The following ULK1 variants were observed in gnomAD, a reference collection of about 807,000 sequenced individuals.
ULK1 encodes the protein unc-51 like autophagy activating kinase 1.
ULK1 carries 48 observed loss-of-function variants against 117.5 expected under a neutral mutation model. That is an observed-to-expected ratio of 0.41 (90% confidence interval 0.32 to 0.52). The LOEUF is 0.52. Among genes scored for constraint, ULK1 ranks in the 20% least tolerant of loss-of-function variants. ULK1 has a pLI of 0.29. For synonymous variants in ULK1, 790 were observed against 637.8 expected, an observed-to-expected ratio of 1.24 and a Z score of -3.60; for missense variants, 1,387 against 1,473.4, an observed-to-expected ratio of 0.94 and a Z score of 0.96.
At position 131,908,732 on chromosome 12, in the gene ULK1, C is replaced by T; in HGVS notation, c.405C>T (p.Ile135=). 1.9e-6 allele frequency: 3 copies of T among 1,608,708 alleles called. No homozygotes were observed. The highest frequency in any genetic ancestry group is 1.7e-5 in the Admixed American group (1 of 59,530). Reference sequence around the variant, plus strand: ...GGCTTCTGCACAGCAAAGGCATCATCCACCGCGACCTGAAACCGCAGAACA... The same window carrying T: ...GGCTTCTGCACAGCAAAGGCATCATTCACCGCGACCTGAAACCGCAGAACA... ...AMRLLHSKGI[I]HRDLKPQNIL... is the part of the protein sequence containing the mutation. Residue 135 remains isoleucine (I), a synonymous_variant, in exon 6 of 28, where the codon ATC becomes ATT. Transcript: ENST00000321867.
Position 131,909,938 on chromosome 12 carries a change from G to T in ULK1, c.745G>T (p.Ala249Ser). The stretch of plus-strand genomic sequence containing the variant: ...CCCCAGCATCCCCCGGGAGACCTCG[G>T]CCCCGCTGCGGCAGCTGCTCCTGGC... Reference protein sequence around the residue: ...LVPTIPRETSAPLRQLLLALL... With the variant: ...LVPTIPRETSSPLRQLLLALL... The change falls in exon 10 of 28, where the codon GCC (alanine) becomes TCC (serine). Residue 249 changes from alanine to serine, a missense_variant. Around this residue, in one of 4 missense-constraint regions of ULK1, gnomAD observed 260 missense variants for 271.6 expected, o/e 0.96. Coordinates refer to ENST00000321867, the MANE Select transcript of ULK1 (RefSeq NM_003565.4). 6.2e-7 allele frequency: 1 copy of T among 1,612,004 alleles called. No individual in the cohort carries two copies. The highest frequency in any genetic ancestry group is 8.5e-7 in the Non-Finnish European group (1 of 1,179,804).
At position 131,914,359 on chromosome 12, in the gene ULK1, G is replaced by T; in HGVS notation, c.1255G>T (p.Gly419Cys). ...GACCTCTCTCCACCACAGCCGGGCT[G>T]GCCCGTTCTCCAGCAGCAGGTGCGG... ...SSSPSPSGRA[G>C]PFSSSRCGAS... The change falls in exon 16 of 28, where the codon GGC becomes TGC. Residue 419 changes from glycine to cysteine, a missense_variant. By Grantham distance (159) the Gly-to-Cys change is radical. Coordinates refer to ENST00000321867, the MANE Select transcript of ULK1 (RefSeq NM_003565.4). 6.2e-7 allele frequency: 1 copy of T among 1,610,746 alleles called. No individual in the cohort carries two copies. The highest frequency in any genetic ancestry group is 8.5e-7 in the Non-Finnish European group (1 of 1,179,932).
At chr12:131,906,788 T>C (rs1214460153) in intron 3 of ULK1, 104 bp from the exon 4 acceptor site, 2 of 1,448,674 alleles carry the variant, frequency 1.4e-6, no homozygotes, top group South Asian at 1.1e-5. Context: ...AGCTAAGTCC[T>C]GGCACTGCAG....
At chr12:131,919,810 G>A in intron 25 of ULK1, 169 bp from the exon 26 acceptor site, 1 of 1,129,238 alleles carries the variant, frequency 8.9e-7, no homozygotes, top group African/African-American at 1.6e-5. Flanking sequence ...GGGTCGGATG[G>A]CACCCGGGAC....
intron 22 of ULK1, chr12:131,918,261 G>A (rs962085259): frequency 8.3e-5 from 48 of 580,610 alleles, no homozygotes; most frequent in South Asian, 3.6e-4. Context: ...GGTGGGCACC[G>A]CAGCCCTTGG....
chr12:131,913,235 G>T lies in ULK1; in HGVS notation c.1134G>T (p.Pro378=), dbSNP rs561387032. 2.5e-6 allele frequency: 4 copies of T among 1,592,426 alleles called. No homozygotes were observed. The highest frequency in any genetic ancestry group is 3.4e-6 in the Non-Finnish European group (4 of 1,171,294). Residue 378 remains proline (P), a synonymous_variant, in exon 14 of 28, where the codon CCG becomes CCT. Coordinates refer to ENST00000321867, the MANE Select transcript of ULK1 (RefSeq NM_003565.4). ...CTGAGGCGCCCAGTGCCAAACCCCC[G>T]CCAGACAGCCTGATGTGCAGTGGGT... ...LVAEAPSAKP[P]PDSLMCSGSS... is the part of the protein sequence containing the mutation.
rs758308634 is a variant in ULK1, at chr12:131,915,387, A to C, written c.1575A>C (p.Gly525=). Residue 525 remains glycine (G), a synonymous_variant, in exon 18 of 28, where the codon GGA becomes GGC. Coordinates refer to ENST00000321867, the MANE Select transcript of ULK1 (RefSeq NM_003565.4). ...PGWSGTPSPQ[G]AEMRGGRSPR... ...GGAGCGGGACGCCCTCCCCACAGGGAGCTGAGATGCGGGGTGGCAGGTCCC... is the reference window on the plus strand; with the variant it reads ...GGAGCGGGACGCCCTCCCCACAGGGCGCTGAGATGCGGGGTGGCAGGTCCC... The C allele has an allele frequency of 7.4e-6, 12 of 1,612,658 alleles. No individual in the cohort carries two copies. Among genetic ancestry groups the C allele is most frequent in the Non-Finnish European group, 9.3e-6 (11 of 1,179,948 alleles).
Position 131,910,803 on chromosome 12 carries a change from G to A in ULK1, c.948+3G>A. Reference sequence around the variant, plus strand: ...CCTCCCACCTGGCCTCCCCGCCGGTGAGTTGCCGCCCCAGGGGCTTGGCAG... The same window carrying A: ...CCTCCCACCTGGCCTCCCCGCCGGTAAGTTGCCGCCCCAGGGGCTTGGCAG... On this transcript the variant is annotated splice_donor_region_variant and intron_variant, in intron 12 of 27. Transcript: ENST00000321867. 1.2e-6 allele frequency: 2 copies of A among 1,612,322 alleles called. No homozygotes were observed. The highest frequency in any genetic ancestry group is 1.7e-6 in the Non-Finnish European group (2 of 1,179,756).
intron 25 of ULK1, 174 bp from the exon 26 acceptor site, chr12:131,919,805 G>A (rs1384811092): frequency 8.2e-6 from 9 of 1,102,458 alleles, no homozygotes; most frequent in African/African-American, 4.7e-5. Flanking sequence ...CCGTGGGGTC[G>A]GATGGCACCC....
At position 131,917,499 on chromosome 12, in the gene ULK1, C is replaced by G. The variant is rs55693180; in HGVS notation, c.2271C>G (p.Gly757=). Residue 757 remains glycine (G), a synonymous_variant, in exon 22 of 28, where the codon GGC becomes GGG. Transcript: ENST00000321867. ...CTTCCCCGGTGGTCTTCACCGTGGG[C>G]TCTCCCCCGAGCGGGAGCACGCCCC... The part of the protein sequence containing the change: ...SSPSPVVFTV[G]SPPSGSTPPQ... The G allele has an allele frequency of 2.2e-5, 33 of 1,488,862 alleles. No homozygotes were observed. The African/African-American group carries it at 2.9e-4, about 13-fold the overall frequency. The allele number at this position is 1,488,862 out of a possible 1,614,324, so 92.2% of individuals were successfully genotyped here.
At position 131,911,971 on chromosome 12, in the gene ULK1, G is replaced by A; in HGVS notation, c.978G>A (p.Lys326=). ...TGGGCGAGATGCAGCAGCTGCAGAA[G>A]ACCCTGGCCTCCCCGGCTGACACCG... ...PSLGEMQQLQ[K]TLASPADTAG... Residue 326 remains lysine (K), a synonymous_variant, in exon 13 of 28, where the codon AAG becomes AAA. Coordinates refer to ENST00000321867, the MANE Select transcript of ULK1 (RefSeq NM_003565.4). 1 of 1,612,846 alleles carries A rather than the reference G, an allele frequency of 6.2e-7. No individual in the cohort carries two copies. Among genetic ancestry groups the A allele is most frequent in the Admixed American group, 1.7e-5 (1 of 60,020 alleles).
intron 2 of ULK1, 30 bp downstream of exon 2, chr12:131,895,723 G>T: frequency 6.2e-7 from 1 of 1,613,748 alleles, no homozygotes. Context: ...GGGGGCGTGG[G>T]CGTGGGCGTG....
chr12:131,910,905 G>A, intron 12 of ULK1, 105 bp downstream of exon 12: 2 of 1,523,098 alleles, frequency 1.3e-6, no homozygotes, highest in Non-Finnish European at 8.8e-7. Context: ...TGTTGTCTGT[G>A]TGAGTCACGA....
At position 131,922,477 on chromosome 12, in the gene ULK1, C is replaced by T. The variant is rs535789829; in HGVS notation, c.*1116C>T. The T allele has an allele frequency of 5.1e-5, 9 of 177,846 alleles. No homozygotes were observed. In the South Asian group the frequency reaches 8.8e-4, roughly 17 times the overall value. The allele number at this position is 177,846 out of a possible 1,614,324, so 11.0% of individuals were successfully genotyped here. A position where few individuals can be genotyped will look rare whatever the true frequency, so the allele number is the denominator to read the frequency against. On this transcript the variant is annotated 3_prime_UTR_variant, in exon 28 of 28. Transcript: ENST00000321867. ...ACAGTCAGTTTTGATGTCAGCTCCTCGGCAGGGTAGGCCTGATGACAGCCC... is the reference window on the plus strand; with the variant it reads ...ACAGTCAGTTTTGATGTCAGCTCCTTGGCAGGGTAGGCCTGATGACAGCCC...
At chr12:131,918,865 T>A (rs1194970323) in intron 23 of ULK1, among the ~76,000 whole-genome samples, 184 bp downstream of exon 23, 1 of 3,984 alleles carries the variant, frequency 2.5e-4, no homozygotes, top group Non-Finnish European at 1.0e-3. Flanking sequence ...GGGTGTCGGG[T>A]GTGTGGGGTG....
intron 24 of ULK1, 41 bp from the exon 25 acceptor site, chr12:131,919,431 C>G (rs898678250): frequency 1.3e-6 from 2 of 1,589,212 alleles, no homozygotes; most frequent in African/African-American, 1.3e-5. Context: ...GCCTGGGGGC[C>G]AGGACCAACC....
At chr12:131,895,412 A>C (rs1237510251) in intron 1 of ULK1, among the ~76,000 whole-genome samples, 189 bp from the exon 2 acceptor site, 2 of 150,922 alleles carry the variant, frequency 1.3e-5, no homozygotes, top group African/African-American at 4.9e-5. Context: ...CTGGTCCCAC[A>C]GCCGGCTTTC....
chr12:131,917,756 A>G lies in ULK1; in HGVS notation c.2326+202A>G, dbSNP rs539269461. 2.0e-5 allele frequency among the ~76,000 whole-genome samples: 3 copies of G among 152,274 alleles called. No individual in the cohort carries two copies. The East Asian group carries it at 5.8e-4, about 29-fold the overall frequency. Reference sequence around the variant, plus strand: ...GACGTGGTTCTGGTATCCACCCCTCAGACCACCCCTGCCACTCAACCTGTG... The same window carrying G: ...GACGTGGTTCTGGTATCCACCCCTCGGACCACCCCTGCCACTCAACCTGTG... On this transcript the variant is annotated intron_variant, in intron 22 of 27. Coordinates refer to ENST00000321867, the MANE Select transcript of ULK1 (RefSeq NM_003565.4).
intron 23 of ULK1, 21 bp from the exon 24 acceptor site, chr12:131,919,191 C>A: frequency 6.3e-7 from 1 of 1,581,594 alleles, no homozygotes; most frequent in Non-Finnish European, 8.5e-7. Context: ...CACTTGCCGC[C>A]CTGACGGCCG....
Sources: gnomAD v4.1 joint callset for allele counts (sites outside exome capture counted in the v4.1 genomes callset) on GRCh38, gnomAD v4.1.1 for gene constraint, gnomAD v4.1.1 regional missense constraint, MANE v1.5 for transcripts, NCBI Gene and HGNC (gene_info 2026-07-23, HGNC 2026-07-21) for gene names.